Variants in SYNDIG1 observed in about 807,000 individuals in gnomAD.
SYNDIG1 encodes the protein synapse differentiation-inducing gene protein 1.
Under a neutral mutation model 19.4 loss-of-function variants are expected in SYNDIG1, and 9 were observed. The observed-to-expected ratio is 0.46, with a 90% confidence interval of 0.28 to 0.81. The LOEUF is 0.81. Among genes scored for constraint, SYNDIG1 ranks in the 30% least tolerant of loss-of-function variants. SYNDIG1 has a pLI of 0.12. For missense variants in SYNDIG1, 311 were observed against 343.3 expected (o/e 0.91, Z 0.74); for synonymous variants, 141 against 145.9 (o/e 0.97, Z 0.24).
chr20:24,581,520 C>T (rs899472280), intron 2 of SYNDIG1, among the ~76,000 whole-genome samples: 5 of 152,020 alleles, frequency 3.3e-5, no homozygotes, highest in East Asian at 1.9e-4. Context: ...TTGGACCTCC[C>T]GAGCATCTCC....
At chr20:24,493,411 T>C (rs1409736092) in intron 1 of SYNDIG1, among the ~76,000 whole-genome samples, 1 of 152,056 alleles carries the variant, frequency 6.6e-6, no homozygotes, top group Non-Finnish European at 1.5e-5. Flanking sequence ...GGCACACACA[T>C]GCTTGGCACA....
chr20:24,494,540 G>T (rs1011018644), intron 1 of SYNDIG1, among the ~76,000 whole-genome samples: 1 of 152,230 alleles, frequency 6.6e-6, no homozygotes, highest in African/African-American at 2.4e-5. Context: ...TCATTCCTGG[G>T]GGACTGGTGC....
chr20:24,643,126 C>A (rs1229580623), intron 3 of SYNDIG1, among the ~76,000 whole-genome samples: 2 of 152,108 alleles, frequency 1.3e-5, no homozygotes, highest in African/African-American at 4.8e-5. Context: ...AATGTGAGTT[C>A]ATACTGGTGC....
At chr20:24,558,205 A>G (rs1342575894) in intron 2 of SYNDIG1, among the ~76,000 whole-genome samples, 1 of 152,174 alleles carries the variant, frequency 6.6e-6, no homozygotes, top group Non-Finnish European at 1.5e-5. Context: ...GAACTCAGAT[A>G]AAACAATTTT....
intron 1 of SYNDIG1, among the ~76,000 whole-genome samples, chr20:24,505,531 T>C (rs1385729050): frequency 6.6e-6 from 1 of 152,238 alleles, no homozygotes; most frequent in Non-Finnish European, 1.5e-5. Context: ...TCTGGGGTTT[T>C]TGTAAATGGC....
At chr20:24,547,905 A>C (rs2057612360) in intron 2 of SYNDIG1, among the ~76,000 whole-genome samples, 1 of 152,232 alleles carries the variant, frequency 6.6e-6, no homozygotes, top group Non-Finnish European at 1.5e-5. Context: ...GATGGTGACC[A>C]GATGTTGAAT....
intron 1 of SYNDIG1, among the ~76,000 whole-genome samples, chr20:24,503,798 C>T (rs1307654096): frequency 1.3e-5 from 2 of 152,162 alleles, no homozygotes; most frequent in Admixed American, 6.5e-5. Context: ...CAAGTGTGAG[C>T]TTCACAAGAA....
intron 1 of SYNDIG1, among the ~76,000 whole-genome samples, chr20:24,525,012 TA>T (rs1352302975): frequency 1.3e-5 from 2 of 152,332 alleles, no homozygotes; most frequent in Non-Finnish European, 2.9e-5. Context: ...TTTAACCTTT[TA>T]AAAATAATAT....
intron 2 of SYNDIG1, among the ~76,000 whole-genome samples, chr20:24,571,184 T>C (rs1224823486): frequency 6.6e-6 from 1 of 152,206 alleles, no homozygotes; most frequent in African/African-American, 2.4e-5. Context: ...GAAGCATTTC[T>C]GTATCTTGGC....
chr20:24,527,647 G>A (rs2057156042), intron 1 of SYNDIG1, among the ~76,000 whole-genome samples: 1 of 151,878 alleles, frequency 6.6e-6, no homozygotes, highest in South Asian at 2.1e-4. Context: ...GCTAAATTGG[G>A]GAGGGGGTCT....
chr20:24,496,246 C>T (rs2056302868), intron 1 of SYNDIG1, among the ~76,000 whole-genome samples: 1 of 152,182 alleles, frequency 6.6e-6, no homozygotes, highest in Admixed American at 6.5e-5. Flanking sequence ...TTTGACGATA[C>T]ACTTGTCCGT....
At chr20:24,599,586 T>C (rs954399104) in intron 3 of SYNDIG1, among the ~76,000 whole-genome samples, 1 of 152,176 alleles carries the variant, frequency 6.6e-6, no homozygotes, top group African/African-American at 2.4e-5. Flanking sequence ...TCAACCGAAG[T>C]GCCAATCAGT....
intron 3 of SYNDIG1, among the ~76,000 whole-genome samples, chr20:24,640,222 T>C (rs1363759446): frequency 3.3e-5 from 5 of 151,746 alleles, no homozygotes; most frequent in Non-Finnish European, 5.9e-5. Context: ...TAATCCCAGC[T>C]ACTCAGGAGG....
chr20:24,643,233 T>C (rs1475373643), intron 3 of SYNDIG1, among the ~76,000 whole-genome samples: 1 of 152,222 alleles, frequency 6.6e-6, no homozygotes, highest in Non-Finnish European at 1.5e-5. Flanking sequence ...GCTCCAACCA[T>C]CCACTATCCA....
intron 2 of SYNDIG1, among the ~76,000 whole-genome samples, chr20:24,568,449 C>G (rs1393856990): frequency 2.0e-5 from 3 of 152,106 alleles, no homozygotes; most frequent in African/African-American, 7.2e-5. Context: ...GGCTGGTGAC[C>G]TCGGGAGGCG....
At chr20:24,517,302 A>AT (rs1450409201) in intron 1 of SYNDIG1, among the ~76,000 whole-genome samples, 5 of 143,910 alleles carry the variant, frequency 3.5e-5, no homozygotes, top group African/African-American at 5.4e-5. Context: ...AAGTATAATA[A>AT]AAAAAAAAAT....
intron 3 of SYNDIG1, among the ~76,000 whole-genome samples, chr20:24,622,493 G>A (rs1404666117): frequency 1.3e-5 from 2 of 152,218 alleles, no homozygotes; most frequent in African/African-American, 4.8e-5. Context: ...TGGTGAGCAA[G>A]CATTACCACC....
intron 3 of SYNDIG1, among the ~76,000 whole-genome samples, chr20:24,615,299 A>T (rs957654140): frequency 1.3e-5 from 2 of 152,198 alleles, no homozygotes; most frequent in Non-Finnish European, 2.9e-5. Context: ...GGAAACCGGG[A>T]TTCTGAGATT....
At chr20:24,629,264 C>T (rs1174133429) in intron 3 of SYNDIG1, among the ~76,000 whole-genome samples, 1 of 152,176 alleles carries the variant, frequency 6.6e-6, no homozygotes, top group Non-Finnish European at 1.5e-5. Context: ...GGCCTCCCAA[C>T]AGTGAGGCGA....
Sources: gnomAD v4.1 joint callset for allele counts (sites outside exome capture counted in the v4.1 genomes callset) on GRCh38, gnomAD v4.1.1 for gene constraint, MANE v1.5 for transcripts, NCBI Gene and HGNC (gene_info 2026-07-23, HGNC 2026-07-21) for gene names.